The following GLRA3 variants were observed in gnomAD, a reference collection of about 807,000 sequenced individuals.
The protein encoded by GLRA3 is glycine receptor alpha 3.
In GLRA3, 44 loss-of-function variants were observed where a neutral mutation model predicts 60.4. The ratio of observed to expected loss-of-function variants is 0.73; its 90% CI spans 0.57 to 0.94. The LOEUF is 0.94. GLRA3 is among the 40% of genes least tolerant of loss of function. The pLI is 0.00. For synonymous variants in GLRA3, 223 were observed against 192.9 expected (o/e 1.16, Z -1.29); for missense variants, 508 against 564.6 (o/e 0.90, Z 1.02).
intron 5 of GLRA3, among the ~76,000 whole-genome samples, chr4:174,689,604 C>T (rs1234006694): frequency 6.6e-6 from 1 of 151,666 alleles, no homozygotes; most frequent in Non-Finnish European, 1.5e-5. Context: ...TTTCCTCTGT[C>T]TATCATTCTA....
At chr4:174,740,383 G>A (rs1317343448) in intron 3 of GLRA3, among the ~76,000 whole-genome samples, 1 of 152,120 alleles carries the variant, frequency 6.6e-6, no homozygotes, top group African/African-American at 2.4e-5. Context: ...CCACATGTAA[G>A]AACTCTGGTC....
intron 2 of GLRA3, among the ~76,000 whole-genome samples, chr4:174,787,196 A>G (rs560883695): frequency 6.6e-6 from 1 of 152,168 alleles, no homozygotes; most frequent in African/African-American, 2.4e-5. Context: ...TTTTATTAAA[A>G]TAACTGCTGA....
rs143500182 is a variant in GLRA3, at chr4:174,676,515, A to G, written c.927+563T>C. Among the ~76,000 whole-genome samples the G allele has an allele frequency of 8.3e-3, 1,262 of 152,250 alleles. 16 individuals carry two copies. The highest frequency in any genetic ancestry group is 0.029 in the African/African-American group (1,210 of 41,562). ...TAAGAACATAATACAAAATATGTGT[A>G]AAGCTATGTGTGTGTATGTGTTTGT... On this transcript the variant is annotated intron_variant, in intron 7 of 9. Transcript: ENST00000274093.
chr4:174,705,841 T>A (rs1481197726), intron 5 of GLRA3, among the ~76,000 whole-genome samples: 1 of 49,506 alleles, frequency 2.0e-5, no homozygotes. Flanking sequence ...TGTAGTGGGG[T>A]GGGGGTGGGG....
intron 2 of GLRA3, among the ~76,000 whole-genome samples, chr4:174,778,535 G>T (rs554414553): frequency 6.6e-6 from 1 of 152,238 alleles, no homozygotes; most frequent in African/African-American, 2.4e-5. Context: ...TGCAGAAGAC[G>T]GGTGATTTCT....
chr4:174,805,388 A>G (rs1313120651), intron 1 of GLRA3, among the ~76,000 whole-genome samples: 1 of 151,794 alleles, frequency 6.6e-6, no homozygotes, highest in East Asian at 1.9e-4. Context: ...TCCATCTTGC[A>G]CTCTTTTGGA....
At chr4:174,823,747 G>A (rs1740843842) in intron 1 of GLRA3, among the ~76,000 whole-genome samples, 1 of 152,042 alleles carries the variant, frequency 6.6e-6, no homozygotes, top group Admixed American at 6.6e-5. Flanking sequence ...CTGTAAATAT[G>A]GACTAGTTTA....
intron 2 of GLRA3, among the ~76,000 whole-genome samples, chr4:174,776,048 G>C (rs540937549): frequency 3.9e-5 from 6 of 152,126 alleles, no homozygotes; most frequent in Non-Finnish European, 7.4e-5. Flanking sequence ...ATAGGGCCTG[G>C]CATCTGTCTT....
intron 7 of GLRA3, among the ~76,000 whole-genome samples, chr4:174,668,332 C>T (rs56177870): frequency 6.6e-6 from 1 of 152,036 alleles, no homozygotes; most frequent in African/African-American, 2.4e-5. Context: ...TTCATAACTA[C>T]GTTTACTTTT....
chr4:174,750,981 A>T (rs1737450391), intron 3 of GLRA3, among the ~76,000 whole-genome samples: 1 of 152,096 alleles, frequency 6.6e-6, no homozygotes, highest in African/African-American at 2.4e-5. Flanking sequence ...ACTTTTACAT[A>T]GGGATCTATC....
At chr4:174,743,518 T>C (rs945407529) in intron 3 of GLRA3, among the ~76,000 whole-genome samples, 9 of 152,150 alleles carry the variant, frequency 5.9e-5, no homozygotes, top group African/African-American at 1.9e-4. Flanking sequence ...ATTAGATTGG[T>C]ATTAGTCCTT....
intron 1 of GLRA3, among the ~76,000 whole-genome samples, chr4:174,803,829 C>A (rs1055403691): frequency 6.6e-6 from 1 of 152,086 alleles, no homozygotes; most frequent in Non-Finnish European, 1.5e-5. Context: ...GACTGAGCAC[C>A]ATAAAATTAA....
intron 4 of GLRA3, among the ~76,000 whole-genome samples, chr4:174,716,824 T>G (rs1735936262): frequency 6.6e-6 from 1 of 152,166 alleles, no homozygotes; most frequent in Non-Finnish European, 1.5e-5. Context: ...ATTAGTATAT[T>G]CAGCCACTCC....
chr4:174,672,127 C>A (rs1733930197), intron 7 of GLRA3, among the ~76,000 whole-genome samples: 1 of 152,124 alleles, frequency 6.6e-6, no homozygotes, highest in Non-Finnish European at 1.5e-5. Context: ...TATCAAAAAG[C>A]CATATTTGAA....
intron 5 of GLRA3, among the ~76,000 whole-genome samples, chr4:174,685,722 C>T (rs961787714): frequency 6.6e-6 from 1 of 151,664 alleles, no homozygotes; most frequent in Non-Finnish European, 1.5e-5. Context: ...TTATAAATAC[C>T]ATTTTACCGA....
chr4:174,646,801 G>A (rs1732838051), intron 9 of GLRA3, among the ~76,000 whole-genome samples: 1 of 152,040 alleles, frequency 6.6e-6, no homozygotes, highest in Admixed American at 6.6e-5. Context: ...AAAGCCTATG[G>A]GTGTTCTGAG....
chr4:174,755,166 C>T (rs182108191), intron 3 of GLRA3, among the ~76,000 whole-genome samples: 193 of 152,132 alleles, frequency 1.3e-3, no homozygotes, highest in Middle Eastern at 6.8e-3. Flanking sequence ...GTGTCAAGAA[C>T]ACATAATGAA....
intron 9 of GLRA3, among the ~76,000 whole-genome samples, chr4:174,651,803 T>A (rs1052715256): frequency 2.0e-5 from 3 of 152,000 alleles, no homozygotes; most frequent in Admixed American, 6.6e-5. Flanking sequence ...AACCAAAGAG[T>A]CTTTGTGTTT....
At chr4:174,773,268 T>C (rs1184111691) in intron 2 of GLRA3, among the ~76,000 whole-genome samples, 3 of 152,044 alleles carry the variant, frequency 2.0e-5, no homozygotes, top group African/African-American at 7.2e-5. Context: ...TAAAAGCAAA[T>C]GACAGTAGTT....
Sources: gnomAD v4.1 joint callset for allele counts (sites outside exome capture counted in the v4.1 genomes callset) on GRCh38, gnomAD v4.1.1 for gene constraint, MANE v1.5 for transcripts, NCBI Gene and HGNC (gene_info 2026-07-23, HGNC 2026-07-21) for gene names.